The following CPNE5 variants were observed in gnomAD, a reference collection of about 807,000 sequenced individuals.
The protein encoded by CPNE5 is copine 5, also known as copine-5.
CPNE5 carries 42 observed loss-of-function variants against 81.1 expected under a neutral mutation model. That is an observed-to-expected ratio of 0.52 (90% CI 0.40 to 0.67). The LOEUF is 0.67. CPNE5 is among the 30% of genes least tolerant of loss of function. The pLI is 0.00. For missense variants in CPNE5, 612 were observed against 815.5 expected (o/e 0.75, Z 3.04); for synonymous variants, 313 against 321.5 (o/e 0.97, Z 0.28).
At chr6:36,818,869 G>A (rs963311158) in intron 3 of CPNE5, among the ~76,000 whole-genome samples, 2 of 152,200 alleles carry the variant, frequency 1.3e-5, no homozygotes, top group African/African-American at 4.8e-5. Context: ...ACCAAAGAGT[G>A]CCCTTCTGAA....
chr6:36,782,698 G>A (rs1728572641), intron 8 of CPNE5, among the ~76,000 whole-genome samples: 2 of 151,454 alleles, frequency 1.3e-5, no homozygotes, highest in Non-Finnish European at 2.9e-5. Context: ...GGAAGCTGAG[G>A]CAGGAGAATC....
chr6:36,803,649 C>G (rs56816676), intron 3 of CPNE5, among the ~76,000 whole-genome samples: 8,775 of 152,226 alleles, frequency 0.058, 858 homozygotes, highest in African/African-American at 0.2. Context: ...TTCCTGATCA[C>G]CTATATGTGT....
At chr6:36,768,150 A>G (rs1008838171) in intron 10 of CPNE5, among the ~76,000 whole-genome samples, 13 of 150,564 alleles carry the variant, frequency 8.6e-5, no homozygotes, top group Admixed American at 1.3e-4. Flanking sequence ...AGGAGGTGAG[A>G]GAAATAGTGC....
In CPNE5 at chr6:36,753,159, C is replaced by A. The variant is rs935435206; in HGVS notation, c.910-64G>T. On this transcript the variant is annotated intron_variant, in intron 13 of 20. Transcript: ENST00000244751. ...GGGTCAGGGGAGATGGGTTATGATT[C>A]GAGAGCTGACATTGACAGAACACTC... The A allele has an allele frequency of 3.0e-6, 4 of 1,335,414 alleles. No individual in the cohort carries two copies. The Admixed American group carries it at 5.1e-5, about 17-fold the overall frequency. The allele number at this position is 1,335,414 out of a possible 1,614,324, so 82.7% of individuals were successfully genotyped here.
At chr6:36,809,794 C>T (rs1441243544) in intron 3 of CPNE5, among the ~76,000 whole-genome samples, 1 of 151,878 alleles carries the variant, frequency 6.6e-6, no homozygotes, top group Non-Finnish European at 1.5e-5. Flanking sequence ...GCCAGTGGGG[C>T]TCCCAGCGCT....
At chr6:36,757,601 T>C (rs1270515491) in intron 12 of CPNE5, among the ~76,000 whole-genome samples, 1 of 152,094 alleles carries the variant, frequency 6.6e-6, no homozygotes, top group Non-Finnish European at 1.5e-5. Context: ...GAGACATATA[T>C]TGCTTCTCCC....
chr6:36,776,148 C>T lies in CPNE5; in HGVS notation c.633-1083G>A, dbSNP rs1767481887. Among the ~76,000 whole-genome samples the T allele has an allele frequency of 2.6e-5, 4 of 152,212 alleles. No individual in the cohort carries two copies. In the South Asian group the frequency reaches 6.2e-4, roughly 24 times the overall value. Reference sequence around the variant, plus strand: ...CCCATCCTGGAGGCCAGCCCTGCCACATGGATGGGCAGTCACTACCAGGGC... The same window carrying T: ...CCCATCCTGGAGGCCAGCCCTGCCATATGGATGGGCAGTCACTACCAGGGC... On this transcript the variant is annotated intron_variant, in intron 9 of 20. Transcript: ENST00000244751.
chr6:36,760,097 C>T (rs1765874837), intron 12 of CPNE5, among the ~76,000 whole-genome samples: 1 of 150,462 alleles, frequency 6.6e-6, no homozygotes, highest in African/African-American at 2.4e-5. Context: ...TGCCTGTGGT[C>T]CCAGCTACTT....
chr6:36,823,950 C>T (rs1270685635), intron 1 of CPNE5, among the ~76,000 whole-genome samples: 7 of 152,130 alleles, frequency 4.6e-5, no homozygotes, highest in African/African-American at 1.2e-4. Flanking sequence ...TGGTATCCCT[C>T]GTTTCACAGC....
chr6:36,777,088 A>C (rs1767575401), intron 9 of CPNE5, among the ~76,000 whole-genome samples: 1 of 151,072 alleles, frequency 6.6e-6, no homozygotes, highest in Admixed American at 6.6e-5. Flanking sequence ...CCCCAAATAA[A>C]CTCCCATGAC....
In CPNE5 at chr6:36,746,227, G is replaced by A. The variant is rs1158373538; in HGVS notation, c.1200+169C>T. On this transcript the variant is annotated intron_variant, in intron 16 of 20. Coordinates refer to ENST00000244751, the MANE Select transcript of CPNE5 (RefSeq NM_020939.2). The surrounding 1 kb of genome is among the most constrained non-coding windows in gnomAD (Gnocchi z 4.5). ...TGGAGGGGCAGCATCTGTGATCAGG[G>A]AAGGGAGTGGATTTCTGGAGCCCCC... The A allele has an allele frequency of 1.0e-6, 1 of 984,976 alleles. No individual in the cohort carries two copies. The highest frequency in any genetic ancestry group is 6.1e-5 in the Admixed American group (1 of 16,266). The allele number at this position is 984,976 out of a possible 1,614,324, so 61.0% of individuals were successfully genotyped here.
intron 6 of CPNE5, 58 bp downstream of exon 6, chr6:36,798,107 C>T: frequency 7.3e-7 from 1 of 1,374,592 alleles, no homozygotes; most frequent in Non-Finnish European, 1.0e-6. Context: ...CTGAGCCAGC[C>T]CCCAGCAGAA....
At chr6:36,837,749 G>A (rs1185935547) in intron 1 of CPNE5, among the ~76,000 whole-genome samples, 2 of 152,114 alleles carry the variant, frequency 1.3e-5, no homozygotes, top group African/African-American at 2.4e-5. Context: ...TCTGGATGGG[G>A]AATGGGCTGT....
At chr6:36,804,061 C>A (rs1429159731) in intron 3 of CPNE5, among the ~76,000 whole-genome samples, 3 of 152,156 alleles carry the variant, frequency 2.0e-5, no homozygotes, top group African/African-American at 7.2e-5. Flanking sequence ...CACAAAAATC[C>A]TGTGAGGTAT....
At chr6:36,820,617 G>A (rs569259837) in intron 3 of CPNE5, among the ~76,000 whole-genome samples, 4 of 152,044 alleles carry the variant, frequency 2.6e-5, no homozygotes, top group Non-Finnish European at 5.9e-5. Flanking sequence ...GAAAATCTCT[G>A]CCCTTGTGGA....
chr6:36,791,875 A>C (rs1180468830), intron 8 of CPNE5, among the ~76,000 whole-genome samples, 158 bp downstream of exon 8: 1 of 151,976 alleles, frequency 6.6e-6, no homozygotes, highest in Non-Finnish European at 1.5e-5. Flanking sequence ...AAAAGGGAAA[A>C]CACCCACTAG....
chr6:36,778,708 G>C (rs972697298), intron 9 of CPNE5, 146 bp downstream of exon 9: 3 of 625,630 alleles, frequency 4.8e-6, no homozygotes, highest in Non-Finnish European at 8.7e-6. Flanking sequence ...CTGGGGCCCC[G>C]GACTTCCACC....
chr6:36,814,850 G>A (rs553240350), intron 3 of CPNE5, among the ~76,000 whole-genome samples: 1 of 152,312 alleles, frequency 6.6e-6, no homozygotes, highest in East Asian at 1.9e-4. Context: ...GATTCATTGA[G>A]TTAATGCAGG....
At chr6:36,768,258 A>G (rs1247378857) in intron 10 of CPNE5, among the ~76,000 whole-genome samples, 1 of 24,986 alleles carries the variant, frequency 4.0e-5, no homozygotes, top group African/African-American at 9.6e-5. Flanking sequence ...TTTTTGAGAC[A>G]GAGTCTCGCT....
Sources: gnomAD v4.1 joint callset for allele counts (sites outside exome capture counted in the v4.1 genomes callset) on GRCh38, gnomAD v4.1.1 for gene constraint, Gnocchi (gnomAD v3.1) non-coding constraint, MANE v1.5 for transcripts, NCBI Gene and HGNC (gene_info 2026-07-23, HGNC 2026-07-21) for gene names.